Variants in SGK1 observed in about 807,000 individuals in gnomAD.
SGK1 encodes the protein serine/threonine-protein kinase Sgk1.
Under a neutral mutation model 64.2 loss-of-function variants are expected in SGK1, and 26 were observed. The observed-to-expected ratio is 0.40, with a 90% CI of 0.30 to 0.56. The LOEUF is 0.56. Ranked by LOEUF, SGK1 falls within the 20% of genes least tolerant of loss-of-function variation. SGK1 has a pLI of 0.38. For missense variants in SGK1, 519 were observed against 645.6 expected, an observed-to-expected ratio of 0.80 and a Z score of 2.12; for synonymous variants, 265 against 239.7, an observed-to-expected ratio of 1.11 and a Z score of -0.98.
At chr6:134,230,465 G>GA (rs1195307154) in intron 2 of SGK1, 1 of 152,198 alleles carries the variant, frequency 6.6e-6, no homozygotes, top group Non-Finnish European at 1.5e-5. Context: ...GGGGAAGCAA[G>GA]ATGCCTTCCT....
intron 2 of SGK1, among the ~76,000 whole-genome samples, chr6:134,246,730 T>A (rs1033426956): frequency 4.6e-5 from 7 of 151,996 alleles, no homozygotes; most frequent in Admixed American, 1.3e-4. Context: ...GTAGCTGGGA[T>A]TACAGGTGCC....
chr6:134,275,546 C>A (rs768990772), intron 1 of SGK1, among the ~76,000 whole-genome samples: 1 of 152,156 alleles, frequency 6.6e-6, no homozygotes, highest in African/African-American at 2.4e-5. Context: ...AAAACCTATC[C>A]TTTTTACATG....
chr6:134,197,126 G>A (rs1428685688), intron 3 of SGK1, among the ~76,000 whole-genome samples: 2 of 152,208 alleles, frequency 1.3e-5, no homozygotes, highest in South Asian at 2.1e-4. Context: ...CCAGCTACTT[G>A]GGGGGCTGAG....
intron 1 of SGK1, among the ~76,000 whole-genome samples, chr6:134,290,329 AAAAAAG>A (rs869175435): frequency 3.3e-5 from 4 of 122,452 alleles, no homozygotes; most frequent in Admixed American, 8.7e-5. Flanking sequence ...GCCTCTAAAA[AAAAAAG>A]AAAAGAAAAG....
chr6:134,210,949 AC>A (rs1344103215), intron 2 of SGK1, among the ~76,000 whole-genome samples: 2 of 151,724 alleles, frequency 1.3e-5, no homozygotes, highest in Admixed American at 1.3e-4. Flanking sequence ...ACATGGTGAA[AC>A]CCCGTCTCTA....
intron 1 of SGK1, chr6:134,297,797 G>A (rs763403743): frequency 7.1e-5 from 43 of 603,996 alleles, no homozygotes; most frequent in Middle Eastern, 9.6e-4. Flanking sequence ...CACTGCGCCC[G>A]GCCTAGATCT....
chr6:134,219,676 C>T (rs1372896355), intron 2 of SGK1, among the ~76,000 whole-genome samples: 1 of 148,466 alleles, frequency 6.7e-6, no homozygotes, highest in African/African-American at 2.5e-5. Context: ...AGGAGAATCG[C>T]TTGAATGAGG....
intron 2 of SGK1, among the ~76,000 whole-genome samples, chr6:134,242,143 G>T (rs1776457885): frequency 6.6e-6 from 1 of 152,268 alleles, no homozygotes; most frequent in Non-Finnish European, 1.5e-5. Context: ...CCAACGTGCT[G>T]GTGCTCATGA....
Position 134,207,417 on chromosome 6 carries a change from A to G in SGK1, c.300T>C (p.Cys100=). The change falls in exon 3 of 14, where the codon TGT becomes TGC. Residue 100 remains cysteine, a synonymous_variant. Transcript: ENST00000367858. The stretch of plus-strand genomic sequence containing the variant: ...GCTTGGTCAGGATGTTGGCATGATT[A>G]CATGGCTCTCTCACCTTTAAAACAT... ...TQSGCEVREP[C]NHANILTKPD... is the part of the protein sequence containing the mutation. 6.2e-7 allele frequency: 1 copy of G among 1,609,870 alleles called. No homozygotes were observed. The highest frequency in any genetic ancestry group is 8.5e-7 in the Non-Finnish European group (1 of 1,176,312).
intron 1 of SGK1, among the ~76,000 whole-genome samples, chr6:134,311,480 TA>T (rs879281450): frequency 5.2e-4 from 75 of 144,658 alleles, no homozygotes; most frequent in Admixed American, 8.3e-4. Flanking sequence ...CTGTCTCTAC[TA>T]AAAAAAAAAA....
intron 1 of SGK1, among the ~76,000 whole-genome samples, chr6:134,284,725 C>T (rs1777155437): frequency 1.3e-5 from 2 of 152,196 alleles, no homozygotes; most frequent in African/African-American, 4.8e-5. Context: ...CTCAGGTGAT[C>T]TGCCTGCCTT....
intron 1 of SGK1, among the ~76,000 whole-genome samples, chr6:134,267,310 T>C (rs374271596): frequency 8.4e-4 from 128 of 152,248 alleles, no homozygotes; most frequent in Non-Finnish European, 1.2e-3. Flanking sequence ...GTTGGTTTTT[T>C]TTACAGAGAT....
At chr6:134,308,788 C>T (rs6907788) in intron 1 of SGK1, among the ~76,000 whole-genome samples, 14 of 152,150 alleles carry the variant, frequency 9.2e-5, no homozygotes, top group African/African-American at 3.4e-4. Context: ...AACTCCTGAC[C>T]TCAGGTGATC....
chr6:134,234,671 G>A (rs2114717965), intron 2 of SGK1, among the ~76,000 whole-genome samples: 1 of 152,194 alleles, frequency 6.6e-6, no homozygotes, highest in East Asian at 1.9e-4. Context: ...GAGGTCAAGA[G>A]TTTGAGACCA....
At chr6:134,247,148 C>T (rs1200312520) in intron 2 of SGK1, among the ~76,000 whole-genome samples, 1 of 152,072 alleles carries the variant, frequency 6.6e-6, no homozygotes, top group Non-Finnish European at 1.5e-5. Flanking sequence ...CTTATCCTTC[C>T]CCACCACCAT....
At chr6:134,172,043 C>T (rs1276498817) in intron 10 of SGK1, 150 bp downstream of exon 10, 2 of 915,594 alleles carry the variant, frequency 2.2e-6, no homozygotes, top group Admixed American at 2.4e-5. Flanking sequence ...TCTCATGCTA[C>T]ATCAAACAGC....
At chr6:134,276,188 A>T (rs1777014833) in intron 1 of SGK1, among the ~76,000 whole-genome samples, 1 of 152,198 alleles carries the variant, frequency 6.6e-6, no homozygotes, top group Admixed American at 6.6e-5. Context: ...TGCTGAAGAA[A>T]TGGTTGCTGA....
intron 3 of SGK1, among the ~76,000 whole-genome samples, chr6:134,199,370 C>T (rs1412164539): frequency 6.6e-6 from 1 of 151,912 alleles, no homozygotes; most frequent in Non-Finnish European, 1.5e-5. Flanking sequence ...GCCAGTCTGG[C>T]CAACATGGTG....
intron 2 of SGK1, among the ~76,000 whole-genome samples, chr6:134,236,617 ACT>A (rs1361564809): frequency 6.6e-6 from 1 of 152,008 alleles, no homozygotes; most frequent in Admixed American, 6.6e-5. Context: ...ACAGACCGAG[ACT>A]CTATCTCAAA....
Sources: allele counts gnomAD v4.1 joint callset (sites outside exome capture counted in the v4.1 genomes callset), GRCh38; gene constraint gnomAD v4.1.1; transcripts MANE v1.5; gene names NCBI Gene and HGNC (gene_info 2026-07-23, HGNC 2026-07-21).